TMEM45B: variants seen among roughly 807,000 people sequenced by gnomAD.
TMEM45B encodes transmembrane protein 45B.
Under a neutral mutation model 27.3 loss-of-function variants are expected in TMEM45B, and 29 were observed. The ratio of observed to expected loss-of-function variants is 1.06; its 90% confidence interval spans 0.79 to 1.45. The LOEUF is 1.45. Among genes scored for constraint, TMEM45B ranks in the 40% most tolerant of loss-of-function variants. The pLI, the probability that TMEM45B is intolerant of heterozygous loss-of-function variation, is 0.00. For missense variants in TMEM45B, 348 were observed against 343.9 expected, an observed-to-expected ratio of 1.01 and a Z score of -0.09; for synonymous variants, 143 against 134.7, an observed-to-expected ratio of 1.06 and a Z score of -0.43.
At chr11:129,836,594 G>A (rs996554807) in intron 1 of TMEM45B, among the ~76,000 whole-genome samples, 3 of 152,144 alleles carry the variant, frequency 2.0e-5, no homozygotes, top group African/African-American at 7.2e-5. Context: ...AAATTAAAAT[G>A]AGATCATTAG....
At chr11:129,826,131 C>T (rs1348084925) in intron 1 of TMEM45B, among the ~76,000 whole-genome samples, 1 of 152,036 alleles carries the variant, frequency 6.6e-6, no homozygotes, top group Admixed American at 6.5e-5. Flanking sequence ...CTCCCTTCTC[C>T]ATGACCAAAA....
intron 1 of TMEM45B, among the ~76,000 whole-genome samples, chr11:129,824,122 C>T (rs1189431033): frequency 6.6e-6 from 1 of 152,176 alleles, no homozygotes; most frequent in Non-Finnish European, 1.5e-5. Context: ...CTCTTCTGGC[C>T]ATTACTGAGA....
Position 129,855,911 on chromosome 11 carries a change from G to A in TMEM45B, c.570+19G>A. On this transcript the variant is annotated intron_variant, in intron 4 of 5. Transcript: ENST00000281441. ...CTGGCAGGTGATTTTCCACACCCAG[G>A]CCCCTCGCTGGTCTGGATGGAGAAG... The A allele has an allele frequency of 6.2e-7, 1 of 1,613,272 alleles. No individual in the cohort carries two copies. The highest frequency in any genetic ancestry group is 1.3e-5 in the African/African-American group (1 of 75,000).
rs754236065 is a variant in TMEM45B at position 129,857,334 on chromosome 11, C to T, written c.592C>T (p.Pro198Ser). ...FWQIGFVLFP[P>S]FGTPEWDQKD... ...CTAGATTGGGTTTGTGCTGTTCCCA[C>T]CTTTTGGAACACCCGAATGGGACCA... Residue 198 changes from proline to serine, a missense_variant, in exon 5 of 6, where the codon CCT (proline) becomes TCT (serine). Physicochemically the swap from Pro to Ser is moderately conservative, Grantham distance 74. Transcript: ENST00000281441. The T allele has an allele frequency of 6.2e-7, 1 of 1,614,206 alleles. No individual in the cohort carries two copies. Among genetic ancestry groups the T allele is most frequent in the Non-Finnish European group, 8.5e-7 (1 of 1,180,034 alleles).
chr11:129,847,140 C>T (rs1248861708), intron 1 of TMEM45B, among the ~76,000 whole-genome samples: 1 of 152,132 alleles, frequency 6.6e-6, no homozygotes, highest in Non-Finnish European at 1.5e-5. Context: ...GTAGGTGATG[C>T]CTGACAATGA....
chr11:129,825,054 A>G (rs1326869902), intron 1 of TMEM45B, among the ~76,000 whole-genome samples: 1 of 152,232 alleles, frequency 6.6e-6, no homozygotes, highest in Non-Finnish European at 1.5e-5. Flanking sequence ...CTGGTTAGCC[A>G]ATGGAACATT....
chr11:129,830,071 C>T (rs1275027955), intron 1 of TMEM45B, among the ~76,000 whole-genome samples: 1 of 152,232 alleles, frequency 6.6e-6, no homozygotes, highest in Non-Finnish European at 1.5e-5. Flanking sequence ...TGGTTCACAC[C>T]TGTAATCCCA....
At chr11:129,825,328 C>T (rs1459288876) in intron 1 of TMEM45B, among the ~76,000 whole-genome samples, 2 of 151,822 alleles carry the variant, frequency 1.3e-5, no homozygotes, top group Non-Finnish European at 2.9e-5. Context: ...TCCCAAGATT[C>T]TGGCTTTCTG....
At chr11:129,851,298 C>T (rs972246301) in intron 1 of TMEM45B, among the ~76,000 whole-genome samples, 4 of 152,030 alleles carry the variant, frequency 2.6e-5, no homozygotes, top group African/African-American at 7.2e-5. Context: ...AATCCCAGCA[C>T]TTTGGGAGGC....
chr11:129,826,567 A>AAAAAAAAAAAAAAAAAAGAAAAAT (rs1199881268), intron 1 of TMEM45B, among the ~76,000 whole-genome samples: 2 of 96,126 alleles, frequency 2.1e-5, no homozygotes, highest in Non-Finnish European at 4.0e-5. Flanking sequence ...AAAAAAAAAA[A>AAAAAAAAAAAAAAAAAAGAAAAAT]AGGACCCTGA....
intron 1 of TMEM45B, among the ~76,000 whole-genome samples, chr11:129,851,003 G>C (rs956311508): frequency 1.1e-4 from 17 of 152,216 alleles, no homozygotes; most frequent in African/African-American, 4.1e-4. Context: ...CTTAGTCCCT[G>C]TTGTGCTGAT....
chr11:129,847,658 A>C (rs1231181242), intron 1 of TMEM45B, among the ~76,000 whole-genome samples: 1 of 151,678 alleles, frequency 6.6e-6, no homozygotes, highest in African/African-American at 2.4e-5. Context: ...AATCCATTTA[A>C]CCCTGAGTGG....
chr11:129,844,593 G>A (rs560094705), intron 1 of TMEM45B, among the ~76,000 whole-genome samples: 8 of 152,242 alleles, frequency 5.3e-5, no homozygotes, highest in African/African-American at 1.4e-4. Flanking sequence ...AGGCTGAGGC[G>A]GAGGATCACT....
At chr11:129,833,886 A>G (rs895025452) in intron 1 of TMEM45B, among the ~76,000 whole-genome samples, 1 of 152,228 alleles carries the variant, frequency 6.6e-6, no homozygotes, top group African/African-American at 2.4e-5. Context: ...GAAGAAACCC[A>G]TTCTGCCAAT....
Position 129,857,370 on chromosome 11 carries a change from G to C in TMEM45B, c.628G>C (p.Ala210Pro). ...GTPEWDQKDDANLMFITMCFC... is the reference protein window; with the variant it reads ...GTPEWDQKDDPNLMFITMCFC... ...ACCCGAATGGGACCAGAAGGATGAT[G>C]CCAACCTCATGTTCATCACCATGTG... is the stretch of plus-strand genomic sequence containing the variant. Residue 210 changes from alanine to proline, a missense_variant, in exon 5 of 6, where the codon GCC becomes CCC. Coordinates refer to ENST00000281441, the MANE Select transcript of TMEM45B (RefSeq NM_138788.5). 6.2e-7 allele frequency: 1 copy of C among 1,614,156 alleles called. No homozygotes were observed. The highest frequency in any genetic ancestry group is 1.1e-5 in the South Asian group (1 of 91,082).
intron 1 of TMEM45B, among the ~76,000 whole-genome samples, chr11:129,844,170 A>G (rs1457785050): frequency 6.6e-6 from 1 of 152,176 alleles, no homozygotes; most frequent in Non-Finnish European, 1.5e-5. Flanking sequence ...AACCTTGAAG[A>G]CCTTATACTA....
At chr11:129,837,640 G>A (rs9734779) in intron 1 of TMEM45B, among the ~76,000 whole-genome samples, 1,704 of 138,548 alleles carry the variant, frequency 0.012, 29 homozygotes, top group African/African-American at 0.042. Flanking sequence ...GGAGTGCAGT[G>A]ACATAATCAT....
intron 1 of TMEM45B, among the ~76,000 whole-genome samples, chr11:129,840,311 G>A (rs529110969): frequency 2.0e-5 from 3 of 152,284 alleles, no homozygotes; most frequent in South Asian, 2.1e-4. Flanking sequence ...AATTTTAGAC[G>A]AGGTAAAAGG....
chr11:129,831,638 T>C (rs1947547743), intron 1 of TMEM45B, among the ~76,000 whole-genome samples: 1 of 152,112 alleles, frequency 6.6e-6, no homozygotes, highest in African/African-American at 2.4e-5. Context: ...CCAAGAGAAA[T>C]AAAAACATCT....
Sources: allele counts gnomAD v4.1 joint callset (sites outside exome capture counted in the v4.1 genomes callset), GRCh38; gene constraint gnomAD v4.1.1; transcripts MANE v1.5; gene names NCBI Gene and HGNC (gene_info 2026-07-23, HGNC 2026-07-21).